The following PAFAH1B1 variants were observed in gnomAD, a reference collection of about 807,000 sequenced individuals.
PAFAH1B1 encodes platelet-activating factor acetylhydrolase IB subunit beta.
Under a neutral mutation model 57.5 loss-of-function variants are expected in PAFAH1B1, and 2 were observed. The ratio of observed to expected loss-of-function variants is 0.03; its 90% confidence interval spans 0.01 to 0.11. The LOEUF (loss-of-function observed/expected upper bound fraction) is 0.11, where lower values mean the gene tolerates loss of function less well. Ranked by LOEUF, PAFAH1B1 falls within the 10% of genes least tolerant of loss-of-function variation. PAFAH1B1 has a pLI of 1.00. For synonymous variants in PAFAH1B1, 152 were observed against 169.6 expected (o/e 0.90, Z 0.81); for missense variants, 257 against 512.0 (o/e 0.50, Z 4.81).
At chr17:2,622,404 C>T (rs1052887956) in intron 1 of PAFAH1B1, among the ~76,000 whole-genome samples, 5 of 152,118 alleles carry the variant, frequency 3.3e-5, no homozygotes, top group African/African-American at 9.7e-5. Context: ...TGCAGCCATT[C>T]CAAATGGGAG....
At chr17:2,596,176 G>A (rs2068082490) in intron 1 of PAFAH1B1, among the ~76,000 whole-genome samples, 1 of 152,104 alleles carries the variant, frequency 6.6e-6, no homozygotes, top group African/African-American at 2.4e-5. Context: ...GTCCCTGTGT[G>A]TGTGTGTGTA....
At chr17:2,599,622 C>G (rs1004186029) in intron 1 of PAFAH1B1, among the ~76,000 whole-genome samples, 3 of 152,044 alleles carry the variant, frequency 2.0e-5, no homozygotes, top group African/African-American at 7.2e-5. Flanking sequence ...TAGTTGACTC[C>G]GGTGATCTCA....
At chr17:2,646,088 A>G (rs996007630) in intron 2 of PAFAH1B1, among the ~76,000 whole-genome samples, 6 of 152,164 alleles carry the variant, frequency 3.9e-5, no homozygotes, top group South Asian at 2.1e-4. Flanking sequence ...TATGTGTTCA[A>G]TTTAAGGATA....
At chr17:2,670,911 A>G (rs2069172600) in intron 6 of PAFAH1B1, among the ~76,000 whole-genome samples, 1 of 152,204 alleles carries the variant, frequency 6.6e-6, no homozygotes, top group African/African-American at 2.4e-5. Context: ...AGAGGTAATA[A>G]TACCAGAGTC....
chr17:2,659,428 T>A (rs1489885995), intron 2 of PAFAH1B1: 2 of 278,932 alleles, frequency 7.2e-6, no homozygotes, highest in Non-Finnish European at 1.4e-5. Context: ...TCCCAGCTAC[T>A]CGGGAGGCTG....
chr17:2,642,697 C>T (rs2068712312), intron 2 of PAFAH1B1, among the ~76,000 whole-genome samples: 1 of 152,188 alleles, frequency 6.6e-6, no homozygotes, highest in African/African-American at 2.4e-5. Context: ...TGAGAATTCG[C>T]ATGCAGCTCT....
At position 2,626,211 on chromosome 17, in the gene PAFAH1B1, G is replaced by A. The variant is rs903261454; in HGVS notation, c.-190-11888G>A. Among the ~76,000 whole-genome samples the A allele has an allele frequency of 6.6e-5, 10 of 151,508 alleles. No individual in the cohort carries two copies. The East Asian group carries it at 1.6e-3, about 24-fold the overall frequency. The stretch of plus-strand genomic sequence containing the variant: ...AGAGGTTGCAGTAAGCCGAGATCAC[G>A]CCACTGCACTCCAGCCTGGGCGACA... On this transcript the variant is annotated intron_variant, in intron 1 of 10. Coordinates refer to ENST00000397195, the MANE Select transcript of PAFAH1B1 (RefSeq NM_000430.4).
intron 1 of PAFAH1B1, among the ~76,000 whole-genome samples, chr17:2,631,353 C>T (rs1285162432): frequency 2.0e-5 from 3 of 152,190 alleles, no homozygotes; most frequent in Non-Finnish European, 4.4e-5. Context: ...AGTCTGCATG[C>T]CGGATTCGCA....
Position 2,681,881 on chromosome 17 carries a change from G to A in PAFAH1B1, c.*79G>A. The A allele has an allele frequency of 2.1e-6, 2 of 974,546 alleles. No individual in the cohort carries two copies. The highest frequency in any genetic ancestry group is 3.2e-6 in the Non-Finnish European group (2 of 633,782). The allele number at this position is 974,546 out of a possible 1,614,324, so 60.4% of individuals were successfully genotyped here. On this transcript the variant is annotated 3_prime_UTR_variant, in exon 11 of 11. Coordinates refer to ENST00000397195, the MANE Select transcript of PAFAH1B1 (RefSeq NM_000430.4). ...TACCATGGTTACCCCATTGAGCTCT[G>A]TTTAAATAAATATTGTCCTTTCATG...
intron 1 of PAFAH1B1, among the ~76,000 whole-genome samples, chr17:2,606,366 TTTAA>T (rs1165008026): frequency 6.6e-6 from 1 of 152,132 alleles, no homozygotes; most frequent in Non-Finnish European, 1.5e-5. Context: ...TTGAGTTTTC[TTTAA>T]TTTTTTTTTT....
intron 1 of PAFAH1B1, among the ~76,000 whole-genome samples, chr17:2,597,798 GTCTGTC>G (rs2068101036): frequency 7.0e-6 from 1 of 142,050 alleles, no homozygotes. Context: ...GTGTGTGTGT[GTCTGTC>G]TGTCTGTCTG....
chr17:2,594,044 C>G (rs1453327266), intron 1 of PAFAH1B1, 38 bp downstream of exon 1: 1 of 397,964 alleles, frequency 2.5e-6, no homozygotes, highest in Non-Finnish European at 4.4e-6. Context: ...CCTCTGTCTC[C>G]TCCACCGCGC....
intron 1 of PAFAH1B1, among the ~76,000 whole-genome samples, chr17:2,595,793 A>G (rs554209402): frequency 1.4e-4 from 21 of 152,244 alleles, no homozygotes; most frequent in South Asian, 4.1e-4. Flanking sequence ...AAGGAATCCA[A>G]TTTTTCACTT....
intron 1 of PAFAH1B1, among the ~76,000 whole-genome samples, chr17:2,602,211 A>T (rs1318636947): frequency 6.6e-6 from 1 of 151,994 alleles, no homozygotes. Flanking sequence ...AGTGTTCTGT[A>T]TAATGGTATG....
chr17:2,609,254 C>T (rs545998234), intron 1 of PAFAH1B1, among the ~76,000 whole-genome samples: 2 of 152,264 alleles, frequency 1.3e-5, no homozygotes, highest in East Asian at 3.9e-4. Context: ...AAGTGATCCC[C>T]CTGCCTCGGC....
intron 1 of PAFAH1B1, among the ~76,000 whole-genome samples, chr17:2,600,798 C>T (rs898048254): frequency 1.3e-5 from 2 of 151,938 alleles, no homozygotes; most frequent in Non-Finnish European, 2.9e-5. Flanking sequence ...GGCGCGATCT[C>T]GGCTCACTGC....
chr17:2,675,553 GC>G (rs2069249585), intron 8 of PAFAH1B1, among the ~76,000 whole-genome samples: 1 of 152,030 alleles, frequency 6.6e-6, no homozygotes, highest in South Asian at 2.1e-4. Flanking sequence ...TGTAATCCCA[GC>G]ACTTTGGGAA....
intron 8 of PAFAH1B1, among the ~76,000 whole-genome samples, chr17:2,676,000 G>C (rs2069259223): frequency 6.6e-6 from 1 of 152,222 alleles, no homozygotes; most frequent in Admixed American, 6.5e-5. Context: ...AACCTAAATA[G>C]AGACTTCTGT....
chr17:2,630,384 A>C (rs2068540741), intron 1 of PAFAH1B1, among the ~76,000 whole-genome samples: 1 of 152,142 alleles, frequency 6.6e-6, no homozygotes, highest in African/African-American at 2.4e-5. Context: ...GTTTCACTGG[A>C]TATAAAATTC....
Sources: gnomAD v4.1 joint callset for allele counts (sites outside exome capture counted in the v4.1 genomes callset) on GRCh38, gnomAD v4.1.1 for gene constraint, MANE v1.5 for transcripts, NCBI Gene and HGNC (gene_info 2026-07-23, HGNC 2026-07-21) for gene names.